TBC1D4: variants seen among roughly 807,000 people sequenced by gnomAD.
TBC1D4 encodes the protein TBC1 domain family member 4.
In TBC1D4, 121 loss-of-function variants were observed where a neutral mutation model predicts 142.5. The observed-to-expected ratio is 0.85, with a 90% CI of 0.73 to 0.99. The LOEUF is 0.99. Ranked by LOEUF, TBC1D4 falls within the 50% of genes least tolerant of loss-of-function variation. The pLI is 0.00. For missense variants in TBC1D4, 1,475 were observed against 1,606.6 expected (o/e 0.92, Z 1.40); for synonymous variants, 630 against 628.2 (o/e 1.00, Z -0.04).
intron 1 of TBC1D4, among the ~76,000 whole-genome samples, chr13:75,473,488 T>G (rs577471104): frequency 9.3e-4 from 142 of 152,324 alleles, no homozygotes; most frequent in Middle Eastern, 3.4e-3. Context: ...TAGCACAAAG[T>G]TTCCATGGTC....
intron 5 of TBC1D4, among the ~76,000 whole-genome samples, chr13:75,343,048 G>A (rs1880842614): frequency 6.6e-6 from 1 of 151,990 alleles, no homozygotes; most frequent in South Asian, 2.1e-4. Context: ...AATTTGTTCC[G>A]CTAAGTTGCA....
At chr13:75,462,694 G>T (rs1428341703) in intron 1 of TBC1D4, among the ~76,000 whole-genome samples, 3 of 152,056 alleles carry the variant, frequency 2.0e-5, no homozygotes, top group Non-Finnish European at 2.9e-5. Context: ...TAGCCCAAAT[G>T]ACTATAAATA....
Position 75,362,861 on chromosome 13 carries a change from A to G in TBC1D4, c.499-254T>C, listed in dbSNP as rs901077654. On this transcript the variant is annotated intron_variant, in intron 1 of 20. Coordinates refer to ENST00000377636, the MANE Select transcript of TBC1D4 (RefSeq NM_014832.5). This position sits in a 1 kb window ranked among gnomAD's most constrained non-coding sequence, Gnocchi z 4.2. ...ACTTTAAATGAGTCTCCCAGAAACA[A>G]AACCATGAAACTATATAAGCCACTG... 1.3e-5 allele frequency among the ~76,000 whole-genome samples: 2 copies of G among 152,234 alleles called. No homozygotes were observed. Among genetic ancestry groups the G allele is most frequent in the African/African-American group, 4.8e-5 (2 of 41,464 alleles).
intron 1 of TBC1D4, among the ~76,000 whole-genome samples, chr13:75,418,433 T>C (rs1163686768): frequency 6.6e-6 from 1 of 152,026 alleles, no homozygotes; most frequent in African/African-American, 2.4e-5. Flanking sequence ...AAAAGATAAG[T>C]AGGAATTTTC....
intron 1 of TBC1D4, among the ~76,000 whole-genome samples, chr13:75,422,927 G>A (rs752781142): frequency 2.6e-5 from 4 of 151,984 alleles, no homozygotes; most frequent in Admixed American, 6.6e-5. Context: ...AGCCACCATC[G>A]GTTGACCAAT....
At chr13:75,297,796 G>A (rs565727309) in intron 17 of TBC1D4, among the ~76,000 whole-genome samples, 10 of 151,288 alleles carry the variant, frequency 6.6e-5, no homozygotes, top group Admixed American at 5.9e-4. Context: ...AAAGATACAG[G>A]TAAACTCTTT....
chr13:75,309,896 C>T, intron 14 of TBC1D4, 46 bp downstream of exon 14: 1 of 1,598,874 alleles, frequency 6.3e-7, no homozygotes, highest in Non-Finnish European at 8.6e-7. Flanking sequence ...TAACATACAC[C>T]CTTCAATCAT....
intron 1 of TBC1D4, among the ~76,000 whole-genome samples, chr13:75,413,692 C>A (rs950488564): frequency 6.6e-6 from 1 of 152,118 alleles, no homozygotes; most frequent in Non-Finnish European, 1.5e-5. Flanking sequence ...GGATAGAGTT[C>A]TTTCTGTCAC....
intron 3 of TBC1D4, among the ~76,000 whole-genome samples, chr13:75,358,035 C>A (rs561139015): frequency 2.7e-5 from 4 of 150,870 alleles, no homozygotes; most frequent in Admixed American, 2.6e-4. Context: ...ATGAGCATTG[C>A]GAGTTTTCTC....
At chr13:75,386,277 G>C (rs1884160368) in intron 1 of TBC1D4, among the ~76,000 whole-genome samples, 1 of 151,994 alleles carries the variant, frequency 6.6e-6, no homozygotes, top group Admixed American at 6.6e-5. Context: ...TGAAAGAGAA[G>C]TTTTCATGAA....
chr13:75,307,102 G>T (rs1877260843), intron 14 of TBC1D4, among the ~76,000 whole-genome samples: 1 of 152,112 alleles, frequency 6.6e-6, no homozygotes, highest in African/African-American at 2.4e-5. Flanking sequence ...TAGGACTACA[G>T]GCATGCGCCA....
intron 6 of TBC1D4, 92 bp downstream of exon 6, chr13:75,341,404 T>G: frequency 7.4e-7 from 1 of 1,342,470 alleles, no homozygotes; most frequent in South Asian, 1.2e-5. Context: ...CATCTTTAGC[T>G]CTAGGCAGCA....
rs17064411 is a variant in TBC1D4 at position 75,421,451 on chromosome 13, T to C, written c.499-58844A>G. ...GCAACCCCTGATGGGAGAGACTCCT[T>C]AGTAATTTTTTATTTGCTGGGAAAC... is the stretch of plus-strand genomic sequence containing the variant. On this transcript the variant is annotated intron_variant, in intron 1 of 20. Transcript: ENST00000377636. Among the ~76,000 whole-genome samples the C allele has an allele frequency of 5.3e-3, 813 of 152,322 alleles. 7 individuals carry two copies. Among genetic ancestry groups the C allele is most frequent in the African/African-American group, 0.018 (765 of 41,568 alleles).
chr13:75,374,551 C>T (rs966015113), intron 1 of TBC1D4, among the ~76,000 whole-genome samples: 9 of 152,138 alleles, frequency 5.9e-5, no homozygotes, highest in African/African-American at 2.2e-4. Flanking sequence ...TTAATGATTA[C>T]AGCAGTGCTT....
At chr13:75,349,534 C>T (rs1009019567) in intron 4 of TBC1D4, among the ~76,000 whole-genome samples, 16 of 152,142 alleles carry the variant, frequency 1.1e-4, no homozygotes, top group African/African-American at 3.9e-4. Context: ...TAATACCGCT[C>T]TGTTAATTTA....
intron 1 of TBC1D4, among the ~76,000 whole-genome samples, chr13:75,368,120 A>G (rs1044015357): frequency 9.2e-5 from 14 of 152,228 alleles, no homozygotes; most frequent in Non-Finnish European, 1.9e-4. Context: ...TTTCCAAAGT[A>G]AAATAGAAGT....
At chr13:75,340,399 C>T (rs1040260711) in intron 7 of TBC1D4, among the ~76,000 whole-genome samples, 2 of 152,178 alleles carry the variant, frequency 1.3e-5, no homozygotes, top group Non-Finnish European at 2.9e-5. Flanking sequence ...TACCATCCCT[C>T]AGTTTGCAGC....
chr13:75,283,600 A>T lies in TBC1D4; in HGVS notation c.*3192T>A, dbSNP rs1874461585. ...ATCACATCCATCAGTAAATGTCCTT[A>T]ATTCTTAATTATCTGCGTCCAGTTG... On this transcript the variant is annotated 3_prime_UTR_variant, in exon 21 of 21. Coordinates refer to ENST00000377636, the MANE Select transcript of TBC1D4 (RefSeq NM_014832.5). 6.6e-6 allele frequency among the ~76,000 whole-genome samples: 1 copy of T among 152,176 alleles called. No individual in the cohort carries two copies. Among genetic ancestry groups the T allele is most frequent in the Non-Finnish European group, 1.5e-5 (1 of 68,034 alleles).
At chr13:75,305,317 C>CT (rs1877065190) in intron 15 of TBC1D4, among the ~76,000 whole-genome samples, 2 of 152,176 alleles carry the variant, frequency 1.3e-5, no homozygotes, top group African/African-American at 4.8e-5. Context: ...GTACAAAGGC[C>CT]TTGGGCACAG....
Sources: allele counts gnomAD v4.1 joint callset (sites outside exome capture counted in the v4.1 genomes callset), GRCh38; gene constraint gnomAD v4.1.1; non-coding constraint Gnocchi (gnomAD v3.1); transcripts MANE v1.5; gene names NCBI Gene and HGNC (gene_info 2026-07-23, HGNC 2026-07-21).